The following NRG1 variants were observed in gnomAD, a reference collection of about 807,000 sequenced individuals.
NRG1 encodes neuregulin 1.
In NRG1, 18 loss-of-function variants were observed where a neutral mutation model predicts 63.8. That is an observed-to-expected ratio of 0.28 (90% CI 0.19 to 0.42). NRG1 has a LOEUF of 0.42. Ranked by LOEUF, NRG1 falls within the 10% of genes least tolerant of loss-of-function variation. NRG1 has a pLI of 1.00. For missense variants in NRG1, 762 were observed against 814.7 expected, an observed-to-expected ratio of 0.94 and a Z score of 0.79; for synonymous variants, 302 against 301.3, an observed-to-expected ratio of 1.00 and a Z score of -0.02.
At chr8:32,098,288 A>G (rs563014091) in intron 1 of NRG1, among the ~76,000 whole-genome samples, 5 of 152,330 alleles carry the variant, frequency 3.3e-5, no homozygotes, top group African/African-American at 1.2e-4. Context: ...TTGTACATCA[A>G]AGTAAAAGAC....
rs1832263070 is a variant in NRG1 at position 31,903,434 on chromosome 8, C to G, written c.37+264003C>G. ...AAAGTGTTGGGATTACAGACGTGAG[C>G]CACCGCGCCCGGCCGAGCCTTCAAC... On this transcript the variant is annotated intron_variant, in intron 1 of 10. Transcript: ENST00000519301. 2.0e-5 allele frequency among the ~76,000 whole-genome samples: 3 copies of G among 151,670 alleles called. No homozygotes were observed. In the South Asian group the frequency reaches 6.3e-4, roughly 32 times the overall value.
At chr8:32,198,302 C>G (rs927965852) in intron 1 of NRG1, among the ~76,000 whole-genome samples, 1 of 152,078 alleles carries the variant, frequency 6.6e-6, no homozygotes, top group African/African-American at 2.4e-5. Context: ...CTCAGCCTCT[C>G]GAGTAGCTGG....
chr8:31,805,827 CA>C (rs58107730), intron 1 of NRG1, among the ~76,000 whole-genome samples: 71 of 105,322 alleles, frequency 6.7e-4, no homozygotes, highest in Middle Eastern at 0.01. Context: ...GACTCCGTCT[CA>C]AAAAAAAAAA....
chr8:31,695,644 A>G (rs535794712), intron 1 of NRG1, among the ~76,000 whole-genome samples: 3 of 152,338 alleles, frequency 2.0e-5, no homozygotes, highest in African/African-American at 7.2e-5. Context: ...GAGCCAAACC[A>G]TATTACTGAG....
intron 1 of NRG1, among the ~76,000 whole-genome samples, chr8:31,792,189 G>A (rs879565385): frequency 2.0e-5 from 3 of 152,194 alleles, no homozygotes; most frequent in Non-Finnish European, 4.4e-5. Context: ...AGGAACTAGA[G>A]TATAAATTCA....
intron 1 of NRG1, among the ~76,000 whole-genome samples, chr8:32,252,369 G>A (rs906382976): frequency 6.6e-6 from 1 of 152,104 alleles, no homozygotes. Context: ...GTTAATTTTT[G>A]TATAAGGTGT....
chr8:32,364,260 A>G (rs1197662275), intron 1 of NRG1, among the ~76,000 whole-genome samples: 4 of 152,058 alleles, frequency 2.6e-5, no homozygotes, highest in Non-Finnish European at 5.9e-5. Context: ...TGCAACTTGC[A>G]CAAAAGGTAC....
chr8:31,909,236 G>A (rs2129617031), intron 1 of NRG1, among the ~76,000 whole-genome samples: 1 of 152,216 alleles, frequency 6.6e-6, no homozygotes, highest in South Asian at 2.1e-4. Context: ...CCTTACCATT[G>A]TAGGTCATTT....
At chr8:31,725,928 A>G (rs1023185513) in intron 1 of NRG1, among the ~76,000 whole-genome samples, 2 of 152,284 alleles carry the variant, frequency 1.3e-5, no homozygotes, top group Middle Eastern at 3.4e-3. Flanking sequence ...GACTAATGGG[A>G]ATCACAAAAT....
At chr8:32,559,083 GAAAAAAAAA>G (rs35947086) in intron 1 of NRG1, among the ~76,000 whole-genome samples, 1 of 86,802 alleles carries the variant, frequency 1.2e-5, no homozygotes, top group Non-Finnish European at 2.1e-5. Context: ...TTGTCTCAGC[GAAAAAAAAA>G]AAAAAAAAAA....
intron 1 of NRG1, among the ~76,000 whole-genome samples, chr8:32,230,294 G>T (rs1181829462): frequency 6.6e-6 from 1 of 152,202 alleles, no homozygotes; most frequent in Non-Finnish European, 1.5e-5. Flanking sequence ...AGATAAAGTT[G>T]CAGAGAGGGA....
At chr8:31,698,721 A>C (rs1810333998) in intron 1 of NRG1, among the ~76,000 whole-genome samples, 1 of 152,184 alleles carries the variant, frequency 6.6e-6, no homozygotes, top group Non-Finnish European at 1.5e-5. Context: ...TCCTCCAAAA[A>C]TTTGGCTTCT....
intron 5 of NRG1, among the ~76,000 whole-genome samples, chr8:32,710,675 T>G (rs1817586881): frequency 1.3e-5 from 2 of 152,194 alleles, no homozygotes; most frequent in South Asian, 4.1e-4. Flanking sequence ...GAAGGTTAAA[T>G]AGAATCCCTT....
intron 1 of NRG1, among the ~76,000 whole-genome samples, chr8:31,840,838 G>A (rs535185521): frequency 7.9e-5 from 12 of 152,262 alleles, no homozygotes; most frequent in Admixed American, 2.6e-4. Context: ...AGAGAAGGGA[G>A]AGAACACTGC....
chr8:31,650,953 T>C (rs1201880116), intron 1 of NRG1, among the ~76,000 whole-genome samples: 4 of 152,218 alleles, frequency 2.6e-5, no homozygotes, highest in Non-Finnish European at 5.9e-5. Flanking sequence ...GAAGGTAAAA[T>C]GCTTTTCAAG....
intron 1 of NRG1, among the ~76,000 whole-genome samples, chr8:31,932,023 AG>A (rs1834905963): frequency 1.3e-5 from 2 of 152,168 alleles, no homozygotes; most frequent in South Asian, 4.1e-4. Context: ...TTACACCTGC[AG>A]CTGGATGGGT....
intron 5 of NRG1, among the ~76,000 whole-genome samples, chr8:32,693,959 A>G (rs1447096083): frequency 1.3e-5 from 2 of 152,196 alleles, no homozygotes; most frequent in Non-Finnish European, 2.9e-5. Flanking sequence ...GAAAGAGTGC[A>G]CATAATGATG....
chr8:32,054,827 G>A (rs1822578041), intron 1 of NRG1, among the ~76,000 whole-genome samples: 1 of 139,474 alleles, frequency 7.2e-6, no homozygotes, highest in South Asian at 2.4e-4. Flanking sequence ...TGCCTCAAAA[G>A]CAAGCATTTC....
intron 11 of NRG1, among the ~76,000 whole-genome samples, chr8:32,761,637 C>T (rs970783818): frequency 1.4e-5 from 2 of 146,824 alleles, no homozygotes; most frequent in African/African-American, 2.5e-5. Flanking sequence ...AATCCTTGAC[C>T]ATTTACTAAA....
Sources: gnomAD v4.1 joint callset for allele counts (sites outside exome capture counted in the v4.1 genomes callset) on GRCh38, gnomAD v4.1.1 for gene constraint, MANE v1.5 for transcripts, NCBI Gene and HGNC (gene_info 2026-07-23, HGNC 2026-07-21) for gene names.